Variants in GDPD4 observed in about 807,000 individuals in gnomAD.
GDPD4 encodes the protein glycerophosphodiester phosphodiesterase 6.
GDPD4 carries 60 observed loss-of-function variants against 67.8 expected under a neutral mutation model. The observed-to-expected ratio is 0.88, with a 90% CI of 0.72 to 1.10. The LOEUF is 1.10. Ranked by LOEUF, GDPD4 falls within the 50% of genes least tolerant of loss-of-function variation. The pLI is 0.00. For synonymous variants in GDPD4, 212 were observed against 210.9 expected (o/e 1.00, Z -0.04); for missense variants, 623 against 613.9 (o/e 1.01, Z -0.16).
chr11:77,271,973 T>C (rs1959241132), intron 5 of GDPD4, among the ~76,000 whole-genome samples: 1 of 152,218 alleles, frequency 6.6e-6, no homozygotes, highest in Non-Finnish European at 1.5e-5. Context: ...GAACACTGTA[T>C]ACTTCATAGA....
intron 4 of GDPD4, among the ~76,000 whole-genome samples, chr11:77,278,842 G>T (rs1391942353): frequency 6.6e-6 from 1 of 152,228 alleles, no homozygotes; most frequent in Admixed American, 6.5e-5. Context: ...TTGCTAAAAT[G>T]TACTTTGCAT....
At chr11:77,235,975 AC>A (rs1259104811) in intron 13 of GDPD4, among the ~76,000 whole-genome samples, 4 of 149,370 alleles carry the variant, frequency 2.7e-5, no homozygotes, top group Non-Finnish European at 4.5e-5. Flanking sequence ...CAAAAAAAAA[AC>A]AAAAAAAAAA....
intron 16 of GDPD4, among the ~76,000 whole-genome samples, chr11:77,217,752 A>G (rs1463298170): frequency 6.6e-6 from 1 of 152,084 alleles, no homozygotes; most frequent in East Asian, 1.9e-4. Flanking sequence ...TTTCTGTCCA[A>G]CAGAAAAAAA....
chr11:77,283,676 A>T (rs1394185475), intron 3 of GDPD4, among the ~76,000 whole-genome samples: 1 of 152,118 alleles, frequency 6.6e-6, no homozygotes, highest in African/African-American at 2.4e-5. Context: ...AATAAATTTT[A>T]AAAGAAATTA....
At chr11:77,264,390 T>C (rs1565530868) in intron 10 of GDPD4, among the ~76,000 whole-genome samples, 1 of 152,060 alleles carries the variant, frequency 6.6e-6, no homozygotes, top group Non-Finnish European at 1.5e-5. Context: ...GGGGTAGGGA[T>C]CAAACATCCT....
In GDPD4 at chr11:77,217,132, T is replaced by C. The variant is rs1958137520; in HGVS notation, c.*145A>G. On this transcript the variant is annotated 3_prime_UTR_variant, in exon 17 of 17. Coordinates refer to ENST00000315938, the MANE Select transcript of GDPD4 (RefSeq NM_182833.3). ...GTGTGACAGCATTCTTGATAGGTAG[T>C]AGTTTCTTGGATGGTGCTGCAAAAT... 2 of 733,736 alleles carry C rather than the reference T, an allele frequency of 2.7e-6. No homozygotes were observed. Among genetic ancestry groups the C allele is most frequent in the African/African-American group, 1.7e-5 (1 of 57,890 alleles). The allele number at this position is 733,736 out of a possible 1,614,324, so 45.5% of individuals were successfully genotyped here.
intron 1 of GDPD4, among the ~76,000 whole-genome samples, chr11:77,296,989 G>C (rs1055761079): frequency 6.6e-6 from 1 of 151,034 alleles, no homozygotes; most frequent in Non-Finnish European, 1.5e-5. Flanking sequence ...AGGAGACGGA[G>C]GTTGCAGTGA....
intron 1 of GDPD4, among the ~76,000 whole-genome samples, chr11:77,301,063 G>A (rs934002551): frequency 1.3e-5 from 2 of 152,158 alleles, no homozygotes; most frequent in African/African-American, 4.8e-5. Context: ...GCACCAGCCA[G>A]CGTAGCCACG....
intron 11 of GDPD4, among the ~76,000 whole-genome samples, chr11:77,246,463 CAATT>C (rs1366124501): frequency 2.0e-5 from 3 of 152,114 alleles, no homozygotes; most frequent in Non-Finnish European, 4.4e-5. Flanking sequence ...TATAAATATA[CAATT>C]AGAGACAAAT....
At chr11:77,247,420 TAA>T (rs1043310071) in intron 11 of GDPD4, among the ~76,000 whole-genome samples, 8 of 152,192 alleles carry the variant, frequency 5.3e-5, no homozygotes, top group Non-Finnish European at 1.0e-4. Flanking sequence ...TTAATCAATA[TAA>T]GAGTTTAAAA....
chr11:77,276,083 G>A (rs768178641), intron 5 of GDPD4, 78 bp downstream of exon 5: 9 of 1,004,104 alleles, frequency 9.0e-6, no homozygotes, highest in Non-Finnish European at 1.3e-5. Flanking sequence ...ACAAAACTGA[G>A]TACCAAGGAG....
At chr11:77,222,918 C>T (rs1289392511) in intron 16 of GDPD4, among the ~76,000 whole-genome samples, 2 of 152,140 alleles carry the variant, frequency 1.3e-5, no homozygotes, top group African/African-American at 4.8e-5. Flanking sequence ...TTCTTGGAGG[C>T]TTTGTTCATT....
At chr11:77,268,235 T>C (rs1227991779) in intron 10 of GDPD4, among the ~76,000 whole-genome samples, 1 of 152,006 alleles carries the variant, frequency 6.6e-6, no homozygotes. Context: ...GAAGACTATA[T>C]CTAGTGTGTC....
intron 13 of GDPD4, among the ~76,000 whole-genome samples, chr11:77,234,657 G>T (rs1389776431): frequency 6.6e-6 from 1 of 152,140 alleles, no homozygotes; most frequent in East Asian, 1.9e-4. Flanking sequence ...CTTCATCTAT[G>T]TGCTGCAAAG....
chr11:77,235,747 G>A (rs1441952990), intron 13 of GDPD4, among the ~76,000 whole-genome samples: 2 of 152,132 alleles, frequency 1.3e-5, no homozygotes, highest in Non-Finnish European at 2.9e-5. Flanking sequence ...TTGAGGCCAG[G>A]AGTTTGAGAC....
chr11:77,236,607 C>T (rs916463580), intron 13 of GDPD4, among the ~76,000 whole-genome samples: 2 of 151,960 alleles, frequency 1.3e-5, no homozygotes, highest in Admixed American at 1.3e-4. Context: ...AAAAAGTAAA[C>T]TTTAGATAAG....
In GDPD4 at chr11:77,298,769, C is replaced by CA. The variant is rs200610251; in HGVS notation, c.-254+2835dup. Among the ~76,000 whole-genome samples the CA allele has an allele frequency of 7.0e-3, 1,067 of 151,884 alleles. 18 individuals are homozygous for CA. The highest frequency in any genetic ancestry group is 0.024 in the African/African-American group (1,001 of 41,400). ...TTACAGATGCCACGCCCCCACCCCA[C>CA]AAAAAAACAGCTTTGAGGGCCATTT... On this transcript the variant is annotated intron_variant, in intron 1 of 16. Coordinates refer to ENST00000315938, the MANE Select transcript of GDPD4 (RefSeq NM_182833.3).
At chr11:77,228,265 G>A (rs776886961) in intron 15 of GDPD4, among the ~76,000 whole-genome samples, 2 of 151,868 alleles carry the variant, frequency 1.3e-5, no homozygotes, top group Non-Finnish European at 2.9e-5. Flanking sequence ...TTGGGAGGCC[G>A]AGGCGGGCAG....
intron 11 of GDPD4, among the ~76,000 whole-genome samples, chr11:77,257,889 C>T (rs147490087): frequency 4.6e-4 from 70 of 152,244 alleles, no homozygotes; most frequent in African/African-American, 1.7e-3. Context: ...GAAATTAACT[C>T]GTTTTGCTCT....
Sources: gnomAD v4.1 joint callset for allele counts (sites outside exome capture counted in the v4.1 genomes callset) on GRCh38, gnomAD v4.1.1 for gene constraint, MANE v1.5 for transcripts, NCBI Gene and HGNC (gene_info 2026-07-23, HGNC 2026-07-21) for gene names.